NELL1: variants seen among roughly 807,000 people sequenced by gnomAD.
The protein encoded by NELL1 is protein kinase C-binding protein NELL1.
Under a neutral mutation model 107.4 loss-of-function variants are expected in NELL1, and 76 were observed. That is an observed-to-expected ratio of 0.71 (90% CI 0.59 to 0.86). The LOEUF (loss-of-function observed/expected upper bound fraction) is 0.86. Ranked by LOEUF, NELL1 falls within the 40% of genes least tolerant of loss-of-function variation. The pLI, the probability that NELL1 is intolerant of heterozygous loss-of-function variation, is 0.00. For synonymous variants in NELL1, 353 were observed against 341.2 expected (o/e 1.03, Z -0.38); for missense variants, 1,024 against 1,005.5 (o/e 1.02, Z -0.25).
chr11:20,872,628 A>G (rs1849224031), intron 4 of NELL1, among the ~76,000 whole-genome samples: 1 of 151,680 alleles, frequency 6.6e-6, no homozygotes, highest in South Asian at 2.1e-4. Context: ...AGAAAGTCAA[A>G]GAATACTAAT....
intron 14 of NELL1, among the ~76,000 whole-genome samples, chr11:21,296,182 C>T (rs928181044): frequency 6.6e-6 from 1 of 151,674 alleles, no homozygotes; most frequent in East Asian, 1.9e-4. Context: ...CTCATAATAC[C>T]GGGTATTATC....
chr11:20,962,679 A>G (rs1851313779), intron 12 of NELL1, among the ~76,000 whole-genome samples: 1 of 152,174 alleles, frequency 6.6e-6, no homozygotes, highest in African/African-American at 2.4e-5. Context: ...ATGAGGCCTT[A>G]TTTTATAATG....
chr11:20,760,020 A>G (rs537444105), intron 2 of NELL1, among the ~76,000 whole-genome samples: 2 of 152,184 alleles, frequency 1.3e-5, no homozygotes, highest in Admixed American at 1.3e-4. Flanking sequence ...GAGATACTTC[A>G]TTCTCTCCCT....
At chr11:21,403,285 T>C (rs903709066) in intron 15 of NELL1, among the ~76,000 whole-genome samples, 18 of 151,718 alleles carry the variant, frequency 1.2e-4, no homozygotes, top group Non-Finnish European at 1.5e-5. Flanking sequence ...TGTCATATAG[T>C]CTACCTGTGT....
chr11:21,462,450 C>G (rs1177257314), intron 15 of NELL1, among the ~76,000 whole-genome samples: 1 of 151,942 alleles, frequency 6.6e-6, no homozygotes, highest in Non-Finnish European at 1.5e-5. Flanking sequence ...TTTCTTTCCC[C>G]CCTCTACAAT....
intron 15 of NELL1, among the ~76,000 whole-genome samples, chr11:21,488,813 T>C (rs920180672): frequency 2.0e-5 from 3 of 151,558 alleles, no homozygotes; most frequent in Non-Finnish European, 4.4e-5. Context: ...TATATAGCAA[T>C]AAATGCCTAC....
chr11:20,703,673 A>G (rs369940839), intron 2 of NELL1, among the ~76,000 whole-genome samples: 1 of 152,158 alleles, frequency 6.6e-6, no homozygotes, highest in Non-Finnish European at 1.5e-5. Flanking sequence ...ACACTGCTTT[A>G]AATGTGTCCC....
At chr11:21,250,972 C>T (rs1858622928) in intron 14 of NELL1, among the ~76,000 whole-genome samples, 1 of 152,068 alleles carries the variant, frequency 6.6e-6, no homozygotes, top group Non-Finnish European at 1.5e-5. Flanking sequence ...TCACTAAGCC[C>T]CACTACGTTC....
intron 2 of NELL1, among the ~76,000 whole-genome samples, chr11:20,743,873 A>G (rs1387319977): frequency 1.3e-5 from 2 of 152,166 alleles, no homozygotes; most frequent in African/African-American, 4.8e-5. Context: ...TGGTATGCCA[A>G]AACTATCCAC....
Position 21,331,993 on chromosome 11 carries a change from G to A in NELL1, c.1550-38860G>A, listed in dbSNP as rs537370982. On this transcript the variant is annotated intron_variant, in intron 14 of 19. Transcript: ENST00000357134. ...TGAGGCTTCCTTCTAAGTTTGGTTC[G>A]TGTCAGTCTAATATAGACTTTACCC... is the stretch of plus-strand genomic sequence containing the variant. 1.1e-4 allele frequency among the ~76,000 whole-genome samples: 17 copies of A among 151,920 alleles called. No individual in the cohort carries two copies. In the East Asian group the frequency reaches 1.4e-3, roughly 12 times the overall value.
intron 2 of NELL1, among the ~76,000 whole-genome samples, chr11:20,770,388 A>T (rs1057126770): frequency 6.6e-6 from 1 of 152,176 alleles, no homozygotes; most frequent in Non-Finnish European, 1.5e-5. Context: ...AATCCACCAC[A>T]TCCATAGCCC....
chr11:21,449,987 T>G (rs1853537600), intron 15 of NELL1, among the ~76,000 whole-genome samples: 1 of 152,236 alleles, frequency 6.6e-6, no homozygotes, highest in Non-Finnish European at 1.5e-5. Flanking sequence ...GTTAGCCCTC[T>G]TTGTTTTTCT....
At chr11:21,060,732 C>T (rs1210305055) in intron 12 of NELL1, among the ~76,000 whole-genome samples, 2 of 152,152 alleles carry the variant, frequency 1.3e-5, no homozygotes, top group Non-Finnish European at 2.9e-5. Flanking sequence ...GACAGAGTCT[C>T]ACTTTGTTGC....
intron 15 of NELL1, among the ~76,000 whole-genome samples, chr11:21,499,849 A>G (rs748961369): frequency 1.2e-4 from 18 of 152,108 alleles, no homozygotes. Flanking sequence ...AGGGCTGTCT[A>G]ACACCAGTCT....
At position 20,820,836 on chromosome 11, in the gene NELL1, C is replaced by T. The variant is rs188502178; in HGVS notation, c.336-26747C>T. Among the ~76,000 whole-genome samples, 134 of 152,350 alleles carry T rather than the reference C, an allele frequency of 8.8e-4. 1 individual carries two copies. The highest frequency in any genetic ancestry group is 3.4e-3 in the Middle Eastern group (1 of 294). ...ATAGCTGTCTCTAGCGTAGCCCCTT[C>T]TCTGCCCCTGCCATGCTATATCCCC... is the stretch of plus-strand genomic sequence containing the variant. On this transcript the variant is annotated intron_variant, in intron 3 of 19. Coordinates refer to ENST00000357134, the MANE Select transcript of NELL1 (RefSeq NM_006157.5).
chr11:20,933,790 T>C (rs145442304), intron 9 of NELL1, among the ~76,000 whole-genome samples: 2 of 152,290 alleles, frequency 1.3e-5, no homozygotes, highest in East Asian at 1.9e-4. Flanking sequence ...TGTCCAATCA[T>C]TGCACCAGAA....
At chr11:21,241,414 A>G (rs997365764) in intron 14 of NELL1, among the ~76,000 whole-genome samples, 9 of 152,146 alleles carry the variant, frequency 5.9e-5, no homozygotes, top group Admixed American at 5.9e-4. Context: ...CCATATTGTA[A>G]GGCAAGGTTA....
At chr11:21,277,161 C>T (rs1848883457) in intron 14 of NELL1, among the ~76,000 whole-genome samples, 1 of 151,924 alleles carries the variant, frequency 6.6e-6, no homozygotes, top group Non-Finnish European at 1.5e-5. Context: ...TGACAAAGGG[C>T]TAATATCCAG....
At chr11:20,714,433 C>A (rs925946158) in intron 2 of NELL1, among the ~76,000 whole-genome samples, 1 of 151,846 alleles carries the variant, frequency 6.6e-6, no homozygotes, top group African/African-American at 2.4e-5. Flanking sequence ...GTCTCAAACT[C>A]CTGACCTCAG....
Sources: gnomAD v4.1 joint callset for allele counts (sites outside exome capture counted in the v4.1 genomes callset) on GRCh38, gnomAD v4.1.1 for gene constraint, MANE v1.5 for transcripts, NCBI Gene and HGNC (gene_info 2026-07-23, HGNC 2026-07-21) for gene names.